Variants in PHLPP1 observed in about 807,000 individuals in gnomAD.
The protein encoded by PHLPP1 is PH domain leucine-rich repeat-containing protein phosphatase 1.
In PHLPP1, 42 loss-of-function variants were observed where a neutral mutation model predicts 117.2. That is an observed-to-expected ratio of 0.36 (90% CI 0.28 to 0.46). PHLPP1 has a LOEUF of 0.46. Among genes scored for constraint, PHLPP1 ranks in the 20% least tolerant of loss-of-function variants. The probability of loss-of-function intolerance (pLI) is 1.00; values close to 1 mark genes in which losing one functional copy is unlikely to be tolerated. For synonymous variants in PHLPP1, 1,042 were observed against 970.7 expected, an observed-to-expected ratio of 1.07 and a Z score of -1.37; for missense variants, 2,084 against 2,241.9, an observed-to-expected ratio of 0.93 and a Z score of 1.42.
At chr18:62,947,181 T>C (rs573667109) in intron 12 of PHLPP1, among the ~76,000 whole-genome samples, 35 of 152,242 alleles carry the variant, frequency 2.3e-4, no homozygotes, top group Non-Finnish European at 4.1e-4. Flanking sequence ...AGCTGAAAAT[T>C]CACTGCTCTG....
chr18:62,777,746 G>A (rs1346447746), intron 1 of PHLPP1, among the ~76,000 whole-genome samples: 1 of 152,034 alleles, frequency 6.6e-6, no homozygotes, highest in African/African-American at 2.4e-5. Flanking sequence ...GTTTTAGAAA[G>A]GACTCATCCC....
At chr18:62,829,040 G>A (rs549486986) in intron 1 of PHLPP1, among the ~76,000 whole-genome samples, 3 of 152,172 alleles carry the variant, frequency 2.0e-5, no homozygotes, top group Admixed American at 6.5e-5. Flanking sequence ...TGCCAAATTC[G>A]TTTCCATTTG....
intron 1 of PHLPP1, among the ~76,000 whole-genome samples, chr18:62,818,221 A>G (rs1914348985): frequency 6.6e-6 from 1 of 152,088 alleles, no homozygotes; most frequent in African/African-American, 2.4e-5. Context: ...TTTGACCTAG[A>G]ATTCTGTACA....
At chr18:62,976,332 T>A (rs1287839299) in intron 16 of PHLPP1, among the ~76,000 whole-genome samples, 1 of 152,156 alleles carries the variant, frequency 6.6e-6, no homozygotes, top group East Asian at 1.9e-4. Flanking sequence ...CAACACAGAC[T>A]GTGGTGTGTG....
chr18:62,916,257 G>A (rs1909273022), intron 9 of PHLPP1, among the ~76,000 whole-genome samples: 1 of 151,712 alleles, frequency 6.6e-6, no homozygotes, highest in Non-Finnish European at 1.5e-5. Flanking sequence ...ATTAATAATA[G>A]TGTACATTAA....
chr18:62,822,273 T>TTGTTTTG (rs1270680364), intron 1 of PHLPP1, among the ~76,000 whole-genome samples: 2 of 144,216 alleles, frequency 1.4e-5, no homozygotes, highest in Non-Finnish European at 1.5e-5. Flanking sequence ...GTGTTTTTTT[T>TTGTTTTG]TTTTTTGTTT....
At chr18:62,736,282 G>A (rs1317520791) in intron 1 of PHLPP1, among the ~76,000 whole-genome samples, 8 of 152,116 alleles carry the variant, frequency 5.3e-5, no homozygotes, top group Non-Finnish European at 4.4e-5. Flanking sequence ...CTGCATAATC[G>A]GCATTTTAAC....
intron 12 of PHLPP1, among the ~76,000 whole-genome samples, chr18:62,951,611 T>C (rs1910459802): frequency 6.6e-6 from 1 of 152,104 alleles, no homozygotes; most frequent in Non-Finnish European, 1.5e-5. Flanking sequence ...CACTTGTAAA[T>C]TTCTTTTCAA....
chr18:62,830,849 A>G (rs1914738773), intron 2 of PHLPP1, among the ~76,000 whole-genome samples: 1 of 152,196 alleles, frequency 6.6e-6, no homozygotes, highest in Non-Finnish European at 1.5e-5. Context: ...TTAAGCATAC[A>G]TTTTCTAGTA....
intron 1 of PHLPP1, among the ~76,000 whole-genome samples, chr18:62,737,537 A>G (rs987632120): frequency 6.6e-6 from 1 of 152,186 alleles, no homozygotes; most frequent in Admixed American, 6.5e-5. Flanking sequence ...GTGTGTTAAA[A>G]CAGCCTGTTA....
intron 1 of PHLPP1, among the ~76,000 whole-genome samples, chr18:62,717,875 C>G (rs1338636595): frequency 6.6e-6 from 1 of 152,086 alleles, no homozygotes; most frequent in East Asian, 1.9e-4. Context: ...ATTTCTGTTT[C>G]GTCTGCAAGT....
Position 62,716,909 on chromosome 18 carries a change from C to A in PHLPP1, c.1226C>A (p.Thr409Lys), listed in dbSNP as rs368493874. 1 of 1,532,508 alleles carries A rather than the reference C, an allele frequency of 6.5e-7. No individual in the cohort carries two copies. The highest frequency in any genetic ancestry group is 8.7e-7 in the Non-Finnish European group (1 of 1,144,966). The allele number at this position is 1,532,508 out of a possible 1,614,324, so 94.9% of individuals were successfully genotyped here. The change falls in exon 1 of 17, where the codon ACG becomes AAG. Residue 409 changes from threonine to lysine, a missense_variant. This residue lies in a region of PHLPP1 where 719 missense variants were observed against 636.0 expected (regional missense o/e 1.13). Coordinates refer to ENST00000262719, the MANE Select transcript of PHLPP1 (RefSeq NM_194449.4). This position sits in a 1 kb window ranked among gnomAD's most constrained non-coding sequence, Gnocchi z 5.7. ...HPAQPLPLPQ[T>K]ASSPQPQQKA... ...GCGCAGCCCCTCCCGCTTCCCCAGA[C>A]GGCTTCCTCGCCTCAGCCGCAGCAG...
chr18:62,916,189 T>C (rs1042721258), intron 9 of PHLPP1, among the ~76,000 whole-genome samples: 2 of 152,058 alleles, frequency 1.3e-5, no homozygotes, highest in Non-Finnish European at 2.9e-5. Context: ...GCACCTGAAA[T>C]GTGACTAGTC....
intron 1 of PHLPP1, among the ~76,000 whole-genome samples, chr18:62,754,842 C>T (rs778235526): frequency 1.3e-5 from 2 of 152,098 alleles, no homozygotes; most frequent in South Asian, 2.1e-4. Context: ...TAGGAATTGC[C>T]ATAGTCAGCT....
At chr18:62,728,121 C>T (rs1911129277) in intron 1 of PHLPP1, among the ~76,000 whole-genome samples, 1 of 151,852 alleles carries the variant, frequency 6.6e-6, no homozygotes. Flanking sequence ...ATGGTGAAAC[C>T]TCGTCTCTAC....
At chr18:62,779,773 T>G (rs1913067881) in intron 1 of PHLPP1, among the ~76,000 whole-genome samples, 1 of 152,210 alleles carries the variant, frequency 6.6e-6, no homozygotes, top group South Asian at 2.1e-4. Context: ...AATAATACTC[T>G]TCTTTTGGTT....
chr18:62,740,838 G>T (rs992593734), intron 1 of PHLPP1, among the ~76,000 whole-genome samples: 3 of 152,112 alleles, frequency 2.0e-5, no homozygotes, highest in Admixed American at 1.3e-4. Flanking sequence ...CAGGCGTGGT[G>T]GTGCACACCT....
intron 6 of PHLPP1, among the ~76,000 whole-genome samples, chr18:62,898,394 A>G (rs1916623627): frequency 1.3e-5 from 2 of 152,170 alleles, no homozygotes; most frequent in South Asian, 2.1e-4. Flanking sequence ...CTTCTTTTAC[A>G]TGAGTTTCTG....
intron 1 of PHLPP1, among the ~76,000 whole-genome samples, chr18:62,765,117 A>C (rs1162057627): frequency 2.0e-5 from 3 of 152,182 alleles, no homozygotes; most frequent in Non-Finnish European, 4.4e-5. Flanking sequence ...CAGGATTGTT[A>C]CCGTGAAATC....
Sources: allele counts gnomAD v4.1 joint callset (sites outside exome capture counted in the v4.1 genomes callset), GRCh38; gene constraint gnomAD v4.1.1; regional missense constraint gnomAD v4.1.1; non-coding constraint Gnocchi (gnomAD v3.1); transcripts MANE v1.5; gene names NCBI Gene and HGNC (gene_info 2026-07-23, HGNC 2026-07-21).